TSHZ2: variants seen among roughly 807,000 people sequenced by gnomAD.
TSHZ2 encodes the protein teashirt zinc finger homeobox 2, also known as teashirt homolog 2.
In TSHZ2, 21 loss-of-function variants were observed where a neutral mutation model predicts 74.4. The ratio of observed to expected loss-of-function variants is 0.28; its 90% confidence interval spans 0.20 to 0.41. The LOEUF is 0.41. Ranked by LOEUF, TSHZ2 falls within the 10% of genes least tolerant of loss-of-function variation. TSHZ2 has a pLI of 1.00. For synonymous variants in TSHZ2, 540 were observed against 515.3 expected (o/e 1.05, Z -0.65); for missense variants, 1,244 against 1,293.5 (o/e 0.96, Z 0.59).
chr20:53,348,246 C>T (rs1980515605), intron 2 of TSHZ2, among the ~76,000 whole-genome samples: 1 of 152,092 alleles, frequency 6.6e-6, no homozygotes, highest in Non-Finnish European at 1.5e-5. Context: ...TGTCCATATG[C>T]TCATGAATGG....
chr20:53,109,875 C>G (rs1294157678), intron 1 of TSHZ2, among the ~76,000 whole-genome samples: 1 of 152,230 alleles, frequency 6.6e-6, no homozygotes, highest in Non-Finnish European at 1.5e-5. Flanking sequence ...CCCTAGGACT[C>G]TGTCCTGGGT....
At chr20:53,458,043 G>A (rs998546509) in intron 2 of TSHZ2, among the ~76,000 whole-genome samples, 34 of 152,162 alleles carry the variant, frequency 2.2e-4, no homozygotes, top group Non-Finnish European at 4.1e-4. Context: ...GTCTCTGCCC[G>A]GCTTTGGTAT....
At chr20:53,307,726 C>T (rs1167390371) in intron 2 of TSHZ2, among the ~76,000 whole-genome samples, 3 of 152,164 alleles carry the variant, frequency 2.0e-5, no homozygotes, top group South Asian at 4.1e-4. Context: ...TTTAACCACC[C>T]GCCAGATCAA....
chr20:53,013,475 A>T (rs1315178926), intron 1 of TSHZ2, among the ~76,000 whole-genome samples: 2 of 152,250 alleles, frequency 1.3e-5, no homozygotes, highest in Non-Finnish European at 2.9e-5. Flanking sequence ...TAAGAACAGG[A>T]AAGGGTCCTC....
chr20:53,197,273 A>AAT (rs1234633312), intron 1 of TSHZ2, among the ~76,000 whole-genome samples: 1 of 152,242 alleles, frequency 6.6e-6, no homozygotes, highest in Admixed American at 6.5e-5. Context: ...GACAGACATT[A>AAT]ATAACATATG....
Position 53,255,894 on chromosome 20 carries a change from C to G in TSHZ2, c.2436C>G (p.Ser812=). Reference sequence around the variant, plus strand: ...AAGCCACCACCCCAAAGCCAGCCTCCTCCTCCAGGGTCCCCCCCATGAAGC... The same window carrying G: ...AAGCCACCACCCCAAAGCCAGCCTCGTCCTCCAGGGTCCCCCCCATGAAGC... ...LPKATTPKPA[S]SSRVPPMKLE... Residue 812 remains serine, a synonymous_variant, in exon 2 of 3, where the codon TCC becomes TCG. Coordinates refer to ENST00000371497, the MANE Select transcript of TSHZ2 (RefSeq NM_173485.6). The surrounding 1 kb of genome is among the most constrained non-coding windows in gnomAD (Gnocchi z 4.1). 1 of 1,613,992 alleles carries G rather than the reference C, an allele frequency of 6.2e-7. No individual in the cohort carries two copies. The highest frequency in any genetic ancestry group is 8.5e-7 in the Non-Finnish European group (1 of 1,179,920).
intron 1 of TSHZ2, among the ~76,000 whole-genome samples, chr20:53,012,567 A>C (rs1345847853): frequency 6.6e-6 from 1 of 152,120 alleles, no homozygotes; most frequent in Admixed American, 6.6e-5. Context: ...AATTTAGAAC[A>C]TTCCCTTGGT....
chr20:53,276,145 G>C (rs1990941634), intron 2 of TSHZ2, among the ~76,000 whole-genome samples: 1 of 152,030 alleles, frequency 6.6e-6, no homozygotes, highest in African/African-American at 2.4e-5. Context: ...TTTCCACTCA[G>C]ATGTTCCTTG....
intron 2 of TSHZ2, among the ~76,000 whole-genome samples, chr20:53,473,487 C>T (rs1446351949): frequency 4.7e-4 from 64 of 137,520 alleles, no homozygotes; most frequent in Non-Finnish European, 6.7e-4. Flanking sequence ...AATGGACATC[C>T]ACACCAAAAA....
intron 1 of TSHZ2, among the ~76,000 whole-genome samples, chr20:53,061,781 T>A (rs1984831095): frequency 6.6e-6 from 1 of 152,214 alleles, no homozygotes; most frequent in African/African-American, 2.4e-5. Context: ...AGAGACATGT[T>A]TTTTATGTAT....
At chr20:52,975,885 T>C (rs1200792185) in intron 1 of TSHZ2, among the ~76,000 whole-genome samples, 1 of 152,164 alleles carries the variant, frequency 6.6e-6, no homozygotes. Context: ...GTTCTAAGAT[T>C]ATGGCCATAC....
At chr20:53,404,051 A>G (rs1394918819) in intron 2 of TSHZ2, among the ~76,000 whole-genome samples, 1 of 152,244 alleles carries the variant, frequency 6.6e-6, no homozygotes, top group Non-Finnish European at 1.5e-5. Context: ...TTTCTAGAAT[A>G]TGACCTGGCC....
intron 1 of TSHZ2, among the ~76,000 whole-genome samples, chr20:53,157,582 AT>A (rs1987828010): frequency 6.6e-6 from 1 of 152,038 alleles, no homozygotes; most frequent in African/African-American, 2.4e-5. Flanking sequence ...CCGAATTGGT[AT>A]TTTTAAAGAA....
At chr20:53,467,731 T>C (rs1394007579) in intron 2 of TSHZ2, among the ~76,000 whole-genome samples, 1 of 152,180 alleles carries the variant, frequency 6.6e-6, no homozygotes, top group Non-Finnish European at 1.5e-5. Flanking sequence ...ACTGCAGCCT[T>C]AGGAGGCTAC....
intron 1 of TSHZ2, among the ~76,000 whole-genome samples, chr20:53,070,851 C>T (rs1335497774): frequency 6.6e-6 from 1 of 152,102 alleles, no homozygotes; most frequent in African/African-American, 2.4e-5. Context: ...GACATGTGGG[C>T]GTGTTCTTCA....
intron 1 of TSHZ2, among the ~76,000 whole-genome samples, chr20:53,218,763 A>T (rs1989491045): frequency 6.6e-6 from 1 of 152,244 alleles, no homozygotes; most frequent in Non-Finnish European, 1.5e-5. Context: ...ACAGACTGAG[A>T]ATTCGAGAAA....
intron 1 of TSHZ2, among the ~76,000 whole-genome samples, chr20:53,107,476 C>T (rs1986410142): frequency 6.6e-6 from 1 of 152,204 alleles, no homozygotes. Context: ...CACCTCCTAA[C>T]CTGAAGCCTT....
chr20:53,436,071 T>C (rs932703026), intron 2 of TSHZ2, among the ~76,000 whole-genome samples: 16 of 152,212 alleles, frequency 1.1e-4, no homozygotes, highest in Admixed American at 1.0e-3. Flanking sequence ...ATTGTTATGA[T>C]CATCAGGCGT....
At chr20:52,991,006 GT>G (rs1024080441) in intron 1 of TSHZ2, among the ~76,000 whole-genome samples, 1 of 152,174 alleles carries the variant, frequency 6.6e-6, no homozygotes, top group African/African-American at 2.4e-5. Flanking sequence ...GTGTGCGTGA[GT>G]TGTGAATACA....
Sources: gnomAD v4.1 joint callset for allele counts (sites outside exome capture counted in the v4.1 genomes callset) on GRCh38, gnomAD v4.1.1 for gene constraint, Gnocchi (gnomAD v3.1) non-coding constraint, MANE v1.5 for transcripts, NCBI Gene and HGNC (gene_info 2026-07-23, HGNC 2026-07-21) for gene names.